LAMA2: variants seen among roughly 807,000 people sequenced by gnomAD.
LAMA2 encodes laminin subunit alpha-2.
A neutral mutation model predicts 364.8 loss-of-function variants in LAMA2; 269 were observed. That is an observed-to-expected ratio of 0.74 (90% CI 0.67 to 0.82). The LOEUF is 0.82. Ranked by LOEUF, LAMA2 falls within the 40% of genes least tolerant of loss-of-function variation. The pLI is 0.00. For missense variants in LAMA2, 3,807 were observed against 3,873.2 expected, an observed-to-expected ratio of 0.98 and a Z score of 0.45; for synonymous variants, 1,379 against 1,370.6, an observed-to-expected ratio of 1.01 and a Z score of -0.14.
At chr6:129,515,881 A>AGTT (rs1787020744) in intron 64 of LAMA2, among the ~76,000 whole-genome samples, 1 of 152,256 alleles carries the variant, frequency 6.6e-6, no homozygotes, top group Admixed American at 6.5e-5. Flanking sequence ...TGAGCCCAGG[A>AGTT]GTTGGAGAGC....
At chr6:128,970,557 A>C (rs992237152) in intron 1 of LAMA2, among the ~76,000 whole-genome samples, 7 of 152,212 alleles carry the variant, frequency 4.6e-5, no homozygotes, top group Non-Finnish European at 1.0e-4. Context: ...TATTTTAATT[A>C]AGAATAAATA....
At chr6:129,087,468 CCTT>C (rs1387097271) in intron 3 of LAMA2, among the ~76,000 whole-genome samples, 1 of 152,178 alleles carries the variant, frequency 6.6e-6, no homozygotes, top group Non-Finnish European at 1.5e-5. Flanking sequence ...TCTGGACACT[CCTT>C]CTATCTTCAT....
At chr6:129,042,173 C>T (rs1274080533) in intron 1 of LAMA2, among the ~76,000 whole-genome samples, 2 of 151,682 alleles carry the variant, frequency 1.3e-5, no homozygotes, top group Non-Finnish European at 2.9e-5. Context: ...GGCGTGGTGG[C>T]AGGCTCCTGT....
Position 129,382,974 on chromosome 6 carries a change from G to A in LAMA2, c.4960-148G>A, listed in dbSNP as rs113785704. The A allele has an allele frequency of 1.2e-4, 81 of 693,512 alleles. 3 individuals are homozygous for A. The highest frequency in any genetic ancestry group is 1.1e-3 in the African/African-American group (60 of 56,964). 43.0% of individuals were successfully genotyped at this position (693,512 alleles called of 1,614,324 possible). A position where few individuals can be genotyped will look rare whatever the true frequency, so the allele number is the denominator to read the frequency against. ...GTTTAATTGTATACGTGAGCATGGG[G>A]CATCATTTGCAATACATCTGATCAA... is the stretch of plus-strand genomic sequence containing the variant. On this transcript the variant is annotated intron_variant, in intron 34 of 64. Coordinates refer to ENST00000421865, the MANE Select transcript of LAMA2 (RefSeq NM_000426.4).
At chr6:128,945,065 G>A (rs1172054953) in intron 1 of LAMA2, among the ~76,000 whole-genome samples, 1 of 152,164 alleles carries the variant, frequency 6.6e-6, no homozygotes, top group African/African-American at 2.4e-5. Flanking sequence ...AGCATTTGAG[G>A]AATGGCTGGG....
intron 1 of LAMA2, among the ~76,000 whole-genome samples, chr6:129,045,674 TATTTA>T (rs1379215271): frequency 7.9e-5 from 12 of 152,236 alleles, no homozygotes; most frequent in African/African-American, 2.7e-4. Context: ...TCTCTTTATT[TATTTA>T]ATTATGTGGG....
At chr6:129,401,475 G>A in intron 38 of LAMA2, 135 bp downstream of exon 38, 1 of 703,778 alleles carries the variant, frequency 1.4e-6, no homozygotes, top group South Asian at 1.5e-5. Context: ...ATTCTACTGT[G>A]ACCATGCCTA....
At chr6:129,063,193 A>G (rs188816176) in intron 3 of LAMA2, among the ~76,000 whole-genome samples, 10 of 152,240 alleles carry the variant, frequency 6.6e-5, no homozygotes, top group Admixed American at 2.0e-4. Context: ...ACTAAATTCC[A>G]TCTCACAATT....
chr6:129,347,884 T>G (rs1172100763), intron 30 of LAMA2, among the ~76,000 whole-genome samples: 2 of 152,242 alleles, frequency 1.3e-5, no homozygotes, highest in African/African-American at 4.8e-5. Context: ...AATTACTACA[T>G]TCCTATACAG....
intron 3 of LAMA2, among the ~76,000 whole-genome samples, chr6:129,092,876 A>G (rs1015091869): frequency 2.0e-5 from 3 of 152,160 alleles, no homozygotes; most frequent in Non-Finnish European, 4.4e-5. Flanking sequence ...GCCTTATTAC[A>G]TCATTACAGA....
chr6:129,483,067 G>GAA (rs60077511), intron 55 of LAMA2, among the ~76,000 whole-genome samples: 1 of 102,824 alleles, frequency 9.7e-6, no homozygotes, highest in Non-Finnish European at 2.2e-5. Flanking sequence ...ACTCCGACTC[G>GAA]AAAAAAAAAA....
At chr6:129,234,016 A>G (rs1784834905) in intron 12 of LAMA2, among the ~76,000 whole-genome samples, 1 of 152,216 alleles carries the variant, frequency 6.6e-6, no homozygotes, top group African/African-American at 2.4e-5. Context: ...CAGGCTTGAT[A>G]TCCTGAAGGT....
At chr6:128,930,374 T>G (rs1277434857) in intron 1 of LAMA2, among the ~76,000 whole-genome samples, 1 of 152,222 alleles carries the variant, frequency 6.6e-6, no homozygotes, top group African/African-American at 2.4e-5. Flanking sequence ...GGATTACATT[T>G]GCTCACCCCT....
intron 1 of LAMA2, among the ~76,000 whole-genome samples, chr6:128,966,046 G>A (rs181186710): frequency 4.5e-4 from 50 of 110,478 alleles, no homozygotes; most frequent in Middle Eastern, 8.2e-3. Context: ...ATCACTAATT[G>A]TCAATAAGGA....
chr6:129,454,015 T>C, intron 46 of LAMA2, 140 bp from the exon 47 acceptor site: 1 of 400,834 alleles, frequency 2.5e-6, no homozygotes, highest in Non-Finnish European at 4.6e-6. Flanking sequence ...ATAAATAATA[T>C]TATTTGACAA....
At chr6:129,180,964 G>T (rs140478085) in intron 10 of LAMA2, among the ~76,000 whole-genome samples, 79 of 152,128 alleles carry the variant, frequency 5.2e-4, no homozygotes, top group African/African-American at 1.8e-3. Flanking sequence ...ACTCCCTGAA[G>T]CAGGGACACT....
At chr6:129,391,290 G>T (rs1779304059) in intron 35 of LAMA2, among the ~76,000 whole-genome samples, 1 of 151,980 alleles carries the variant, frequency 6.6e-6, no homozygotes, top group Non-Finnish European at 1.5e-5. Flanking sequence ...ACCCCCAAAA[G>T]AAATATAATA....
chr6:128,969,257 A>AT (rs1782041065), intron 1 of LAMA2, among the ~76,000 whole-genome samples: 2 of 152,280 alleles, frequency 1.3e-5, no homozygotes, highest in Admixed American at 6.5e-5. Flanking sequence ...TGTTGTAATA[A>AT]TCACATGTAT....
chr6:129,421,516 G>T (rs561167263), intron 40 of LAMA2, among the ~76,000 whole-genome samples: 1 of 152,066 alleles, frequency 6.6e-6, no homozygotes, highest in Non-Finnish European at 1.5e-5. Flanking sequence ...TATGTATAAA[G>T]TATAATTAGC....
Sources: allele counts gnomAD v4.1 joint callset (sites outside exome capture counted in the v4.1 genomes callset), GRCh38; gene constraint gnomAD v4.1.1; transcripts MANE v1.5; gene names NCBI Gene and HGNC (gene_info 2026-07-23, HGNC 2026-07-21).